FAM20C: variants seen among roughly 807,000 people sequenced by gnomAD.
The protein encoded by FAM20C is FAM20C golgi associated secretory pathway kinase.
A neutral mutation model predicts 51.5 loss-of-function variants in FAM20C; 40 were observed. The observed-to-expected ratio is 0.78, with a 90% CI of 0.60 to 1.01. The LOEUF (loss-of-function observed/expected upper bound fraction) is 1.01. Among genes scored for constraint, FAM20C ranks in the 50% least tolerant of loss-of-function variants. The probability of loss-of-function intolerance (pLI) is 0.00; values close to 1 mark genes in which losing one functional copy is unlikely to be tolerated. For synonymous variants in FAM20C, 406 were observed against 380.6 expected (o/e 1.07, Z -0.78); for missense variants, 861 against 844.7 (o/e 1.02, Z -0.24).
rs557222235 is a variant in FAM20C at position 259,973 on chromosome 7, C to T, written c.1748C>T (p.Ala583Val). ...GACACTGAGCACAGAGCCGCCTCGGCGAGGTAGTGTCCGCCGGCCGCTGCG... is the reference window on the plus strand; with the variant it reads ...GACACTGAGCACAGAGCCGCCTCGGTGAGGTAGTGTCCGCCGGCCGCTGCG... Reference protein sequence around the residue: ...DLDTEHRAASAR With the variant: ...DLDTEHRAASVR Residue 583 changes from alanine to valine, a missense_variant, in exon 10 of 10, where the codon GCG becomes GTG. Coordinates refer to ENST00000313766, the MANE Select transcript of FAM20C (RefSeq NM_020223.4). 2.6e-4 allele frequency: 396 copies of T among 1,512,352 alleles called. 3 individuals carry two copies. The East Asian group carries it at 7.3e-3, about 28-fold the overall frequency. The allele number at this position is 1,512,352 out of a possible 1,614,324, so 93.7% of individuals were successfully genotyped here.
chr7:244,091 C>T (rs1417275628), intron 3 of FAM20C, among the ~76,000 whole-genome samples: 1 of 152,038 alleles, frequency 6.6e-6, no homozygotes, highest in Non-Finnish European at 1.5e-5. Context: ...TGTGCCACCA[C>T]GCCCAGCTGA....
chr7:258,194 A>G (rs368224601), intron 8 of FAM20C, among the ~76,000 whole-genome samples: 536 of 33,914 alleles, frequency 0.016, 12 homozygotes, highest in African/African-American at 0.061. Flanking sequence ...TGCTGGAGAT[A>G]GGCAGGGTGG....
At chr7:245,768 C>G (rs1788127511) in intron 3 of FAM20C, 1 of 152,292 alleles carries the variant, frequency 6.6e-6, no homozygotes. Flanking sequence ...TACAGGAGCC[C>G]TATGGTGTTT....
At chr7:258,466 CT>C (rs1418047484) in intron 8 of FAM20C, among the ~76,000 whole-genome samples, 179 bp from the exon 9 acceptor site, 4 of 138,450 alleles carry the variant, frequency 2.9e-5, no homozygotes, top group Admixed American at 1.4e-4. Context: ...GACCCACTGC[CT>C]GGGGTGCTGG....
Position 248,411 on chromosome 7 carries a change from G to T in FAM20C, c.1053G>T (p.Arg351Ser). 6.5e-7 allele frequency: 1 copy of T among 1,537,152 alleles called. No individual in the cohort carries two copies. Among genetic ancestry groups the T allele is most frequent in the Non-Finnish European group, 8.7e-7 (1 of 1,146,840 alleles). Residue 351 changes from arginine (R) to serine (S), a missense_variant, in exon 5 of 10, where the codon AGG becomes AGT. This residue lies in a region of FAM20C where 31 missense variants were observed against 61.1 expected (regional missense o/e 0.51). Coordinates refer to ENST00000313766, the MANE Select transcript of FAM20C (RefSeq NM_020223.4). ...RDVTRDKKLW[R>S]TFFISPANNI... The stretch of plus-strand genomic sequence containing the variant: ...TCACACGGGACAAGAAGCTCTGGAG[G>T]ACCTTCTTCATCTCTCCAGGTAGCC...
chr7:223,830 C>T (rs1005498352), intron 3 of FAM20C, among the ~76,000 whole-genome samples: 1 of 151,142 alleles, frequency 6.6e-6, no homozygotes. Context: ...AAGAACAATC[C>T]TGAAATGAGC....
chr7:220,014 CA>C (rs1166414780), intron 3 of FAM20C, among the ~76,000 whole-genome samples: 1 of 152,140 alleles, frequency 6.6e-6, no homozygotes, highest in Non-Finnish European at 1.5e-5. Context: ...GGCCGGCCTC[CA>C]AGCCCGCTCC....
In FAM20C at chr7:255,970, C is replaced by G. The variant is rs577450352; in HGVS notation, c.1194C>G (p.Ala398=). The G allele has an allele frequency of 6.5e-7, 1 of 1,536,072 alleles. No homozygotes were observed. The highest frequency in any genetic ancestry group is 1.4e-5 in the African/African-American group (1 of 73,038). ...CCTTCCTGCCCGACCTGTCCCTGGC[C>G]AAGAGGAAGACCTGGCGGAACCCTT... ...LAAFLPDLSL[A]KRKTWRNPWR... is the part of the protein sequence containing the mutation. The change falls in exon 6 of 10, where the codon GCC becomes GCG. Residue 398 remains alanine (A), a synonymous_variant. Transcript: ENST00000313766.
intron 4 of FAM20C, among the ~76,000 whole-genome samples, chr7:246,967 A>T (rs1006767037): frequency 5.3e-5 from 8 of 152,146 alleles, no homozygotes; most frequent in Non-Finnish European, 1.0e-4. Flanking sequence ...GTTCAGGCAG[A>T]TGGGAGGCAC....
rs1453644473 is a variant in FAM20C, at chr7:194,041, A to C, written c.605+237A>C. On this transcript the variant is annotated intron_variant, in intron 1 of 9. Coordinates refer to ENST00000313766, the MANE Select transcript of FAM20C (RefSeq NM_020223.4). ...TGTGCCCTGTGGCTGCTGGTGAGGAAGCCAGACCCCGCGCCCTTTAGAAGC... is the reference window on the plus strand; with the variant it reads ...TGTGCCCTGTGGCTGCTGGTGAGGACGCCAGACCCCGCGCCCTTTAGAAGC... 5.6e-6 allele frequency: 3 copies of C among 539,638 alleles called. No homozygotes were observed. The Admixed American group carries it at 1.2e-4, about 21-fold the overall frequency. The allele number at this position is 539,638 out of a possible 1,614,324, so 33.4% of individuals were successfully genotyped here. A position where few individuals can be genotyped will look rare whatever the true frequency, so the allele number is the denominator to read the frequency against.
At chr7:245,287 G>T (rs1788108145) in intron 3 of FAM20C, among the ~76,000 whole-genome samples, 2 of 129,414 alleles carry the variant, frequency 1.5e-5, no homozygotes, top group South Asian at 4.8e-4. Context: ...GCGAGCTGGG[G>T]ATTCCCGCCA....
At chr7:195,272 T>A (rs1221091090) in intron 1 of FAM20C, 3 of 362,102 alleles carry the variant, frequency 8.3e-6, no homozygotes, top group African/African-American at 6.3e-5. Context: ...AGGGCAGCGC[T>A]GACGTCCTGG....
In FAM20C at chr7:259,857, G is replaced by T; in HGVS notation, c.1632G>T (p.Glu544Asp). 3 of 1,536,474 alleles carry T rather than the reference G, an allele frequency of 2.0e-6. No homozygotes were observed. The highest frequency in any genetic ancestry group is 2.6e-6 in the Non-Finnish European group (3 of 1,146,824). ...VAPVLYQPHL[E>D]ALDRRLRVVL... ...CCGTGCTGTACCAGCCGCACCTGGA[G>T]GCCCTGGACCGGCGGCTCCGCGTCG... Residue 544 changes from glutamate (E) to aspartate (D), a missense_variant, in exon 10 of 10, where the codon GAG (glutamate) becomes GAT (aspartate). Transcript: ENST00000313766.
chr7:260,048 C>T lies in FAM20C; in HGVS notation c.*68C>T. 2 of 1,435,758 alleles carry T rather than the reference C, an allele frequency of 1.4e-6. No individual in the cohort carries two copies. The highest frequency in any genetic ancestry group is 1.5e-5 in the South Asian group (1 of 68,446). The allele number at this position is 1,435,758 out of a possible 1,614,324, so 88.9% of individuals were successfully genotyped here. A position where few individuals can be genotyped will look rare whatever the true frequency, so the allele number is the denominator to read the frequency against. ...CCGGACCTCCCAGCAAGCGCATGCG[C>T]CCGTCGTGAATTCAGTGAATTCAGA... On this transcript the variant is annotated 3_prime_UTR_variant, in exon 10 of 10. Transcript: ENST00000313766.
intron 3 of FAM20C, among the ~76,000 whole-genome samples, chr7:223,022 C>T (rs772158623): frequency 7.1e-6 from 1 of 140,192 alleles, no homozygotes; most frequent in Non-Finnish European, 1.5e-5. Context: ...CGTGTGTGTG[C>T]CCGTGCATGT....
intron 3 of FAM20C, among the ~76,000 whole-genome samples, chr7:215,252 T>C (rs1786909885): frequency 9.3e-6 from 1 of 107,288 alleles, no homozygotes; most frequent in Admixed American, 1.0e-4. Flanking sequence ...GGGCCCCTGG[T>C]GTATGGAGAG....
intron 3 of FAM20C, among the ~76,000 whole-genome samples, chr7:212,808 A>G (rs1786783867): frequency 6.6e-6 from 1 of 152,124 alleles, no homozygotes; most frequent in African/African-American, 2.4e-5. Context: ...AGCTTTATTG[A>G]GATATAATTC....
chr7:213,827 T>G (rs1786838867), intron 3 of FAM20C, among the ~76,000 whole-genome samples: 1 of 152,068 alleles, frequency 6.6e-6, no homozygotes, highest in African/African-American at 2.4e-5. Flanking sequence ...CAGCGTGTGC[T>G]GTTGTCTGGC....
In FAM20C at chr7:202,180, A is replaced by G. The variant is rs538619797; in HGVS notation, c.784+6448A>G. On this transcript the variant is annotated intron_variant, in intron 2 of 9. Coordinates refer to ENST00000313766, the MANE Select transcript of FAM20C (RefSeq NM_020223.4). Reference sequence around the variant, plus strand: ...TTTGAAAGGCAGTGGACATCTTCCCATGTGCATAGAGAGGACGGGTGGCCA... The same window carrying G: ...TTTGAAAGGCAGTGGACATCTTCCCGTGTGCATAGAGAGGACGGGTGGCCA... 1.9e-4 allele frequency among the ~76,000 whole-genome samples: 29 copies of G among 152,104 alleles called. No homozygotes were observed. The Middle Eastern group carries it at 0.01, about 54-fold the overall frequency.
Sources: gnomAD v4.1 joint callset for allele counts (sites outside exome capture counted in the v4.1 genomes callset) on GRCh38, gnomAD v4.1.1 for gene constraint, gnomAD v4.1.1 regional missense constraint, MANE v1.5 for transcripts, NCBI Gene and HGNC (gene_info 2026-07-23, HGNC 2026-07-21) for gene names.